SORCS3: variants seen among roughly 807,000 people sequenced by gnomAD.
The protein encoded by SORCS3 is sortilin related VPS10 domain containing receptor 3.
Under a neutral mutation model 146.3 loss-of-function variants are expected in SORCS3, and 57 were observed. The ratio of observed to expected loss-of-function variants is 0.39; its 90% CI spans 0.31 to 0.49. SORCS3 has a LOEUF of 0.49. Ranked by LOEUF, SORCS3 falls within the 20% of genes least tolerant of loss-of-function variation. The pLI is 0.92. For missense variants in SORCS3, 1,341 were observed against 1,575.5 expected (o/e 0.85, Z 2.52); for synonymous variants, 653 against 618.5 (o/e 1.06, Z -0.83).
At chr10:105,018,271 C>T (rs1411606544) in intron 4 of SORCS3, among the ~76,000 whole-genome samples, 1 of 152,216 alleles carries the variant, frequency 6.6e-6, no homozygotes, top group African/African-American at 2.4e-5. Flanking sequence ...CCTAGTCTCT[C>T]AGTAACTCTG....
chr10:104,889,298 T>TA (rs1564706618), intron 2 of SORCS3, among the ~76,000 whole-genome samples: 1 of 143,410 alleles, frequency 7.0e-6, no homozygotes, highest in African/African-American at 2.7e-5. Flanking sequence ...TTTTTTTTTT[T>TA]AAATCCGATC....
At chr10:104,654,775 A>G (rs2015605351) in intron 1 of SORCS3, among the ~76,000 whole-genome samples, 1 of 152,222 alleles carries the variant, frequency 6.6e-6, no homozygotes, top group African/African-American at 2.4e-5. Flanking sequence ...AAAAGGAGGT[A>G]CATAACATAA....
chr10:104,757,897 C>T (rs1283997888), intron 1 of SORCS3, among the ~76,000 whole-genome samples: 1 of 145,500 alleles, frequency 6.9e-6, no homozygotes, highest in Non-Finnish European at 1.5e-5. Context: ...CTGATAGTGG[C>T]TGTCTAAAGT....
At chr10:104,740,860 G>A (rs565945515) in intron 1 of SORCS3, among the ~76,000 whole-genome samples, 10 of 152,206 alleles carry the variant, frequency 6.6e-5, no homozygotes, top group African/African-American at 2.4e-4. Flanking sequence ...GCCTTATTAG[G>A]TTAACATAAA....
rs146908361 is a variant in SORCS3, at chr10:104,876,013, T to A, written c.695+33154T>A. 6.5e-4 allele frequency among the ~76,000 whole-genome samples: 99 copies of A among 152,286 alleles called. 1 individual carries two copies. Among genetic ancestry groups the A allele is most frequent in the African/African-American group, 2.3e-3 (96 of 41,572 alleles). On this transcript the variant is annotated intron_variant, in intron 2 of 26. Coordinates refer to ENST00000369701, the MANE Select transcript of SORCS3 (RefSeq NM_014978.3). ...ATCTGAGAGTTTCTGAACCATGTTTTTTTCCCCTAGTTACTATTACTCCAT... is the reference window on the plus strand; with the variant it reads ...ATCTGAGAGTTTCTGAACCATGTTTATTTCCCCTAGTTACTATTACTCCAT...
At chr10:104,841,770 G>A (rs1028403672) in intron 1 of SORCS3, among the ~76,000 whole-genome samples, 1 of 152,204 alleles carries the variant, frequency 6.6e-6, no homozygotes, top group Middle Eastern at 3.4e-3. Flanking sequence ...AAAATGAACT[G>A]GAGGAAGTTA....
chr10:104,899,561 C>T (rs184327659), intron 2 of SORCS3, among the ~76,000 whole-genome samples: 5 of 152,328 alleles, frequency 3.3e-5, no homozygotes, highest in Non-Finnish European at 7.3e-5. Context: ...TATGCTCTCA[C>T]ACCTTGGATG....
intron 1 of SORCS3, among the ~76,000 whole-genome samples, chr10:104,815,157 A>G (rs910362056): frequency 2.0e-5 from 3 of 152,190 alleles, no homozygotes; most frequent in Non-Finnish European, 2.9e-5. Context: ...TCACCACTGT[A>G]AAGAACAATG....
chr10:105,077,878 A>G (rs1051490970), intron 5 of SORCS3, among the ~76,000 whole-genome samples: 4 of 152,192 alleles, frequency 2.6e-5, no homozygotes, highest in African/African-American at 9.6e-5. Flanking sequence ...CTGCACCTAA[A>G]AATCTGTGAA....
intron 4 of SORCS3, among the ~76,000 whole-genome samples, 155 bp downstream of exon 4, chr10:104,977,648 CTT>C (rs1355037487): frequency 6.6e-6 from 1 of 151,856 alleles, no homozygotes; most frequent in Non-Finnish European, 1.5e-5. Flanking sequence ...CAGCAACTAA[CTT>C]TCCTTTCTGC....
chr10:104,911,240 G>A (rs1381916862), intron 2 of SORCS3, among the ~76,000 whole-genome samples: 1 of 152,224 alleles, frequency 6.6e-6, no homozygotes, highest in East Asian at 1.9e-4. Context: ...GGACAGAGTC[G>A]AGGGCACTGT....
intron 4 of SORCS3, among the ~76,000 whole-genome samples, chr10:105,030,366 G>A (rs1039178034): frequency 2.0e-5 from 3 of 152,108 alleles, no homozygotes; most frequent in African/African-American, 7.2e-5. Flanking sequence ...TCTCAGCTGG[G>A]ATGTCTGGAT....
chr10:104,642,022 G>GGGGGTGCCCCCCC, intron 1 of SORCS3, 68 bp downstream of exon 1: 1 of 173,336 alleles, frequency 5.8e-6, no homozygotes, highest in Non-Finnish European at 1.1e-5. Context: ...GGGTGGGTGG[G>GGGGGTGCCCCCCC]AGCGAGGGAC....
At chr10:104,664,624 G>A (rs769955844) in intron 1 of SORCS3, 1 of 152,128 alleles carries the variant, frequency 6.6e-6, no homozygotes, top group Non-Finnish European at 1.5e-5. Context: ...TTAAAATTTT[G>A]ACTTTATTTT....
intron 1 of SORCS3, among the ~76,000 whole-genome samples, chr10:104,831,762 C>A (rs1476646139): frequency 6.6e-6 from 1 of 152,152 alleles, no homozygotes; most frequent in African/African-American, 2.4e-5. Flanking sequence ...TAGGTTCAAG[C>A]CTGCTGGGGA....
intron 4 of SORCS3, among the ~76,000 whole-genome samples, chr10:105,028,299 T>C (rs1472677170): frequency 6.6e-6 from 1 of 152,208 alleles, no homozygotes; most frequent in Admixed American, 6.5e-5. Flanking sequence ...ACTCAATTAC[T>C]GAATGATTAA....
At chr10:104,838,161 C>G (rs10786823) in intron 1 of SORCS3, among the ~76,000 whole-genome samples, 69,929 of 151,992 alleles carry the variant, frequency 0.46, 18,034 homozygotes, top group East Asian at 0.72. Flanking sequence ...GTCCCATTCT[C>G]ATTCTGGGGC....
intron 22 of SORCS3, among the ~76,000 whole-genome samples, chr10:105,249,672 G>C (rs1023398244): frequency 3.3e-5 from 5 of 152,092 alleles, no homozygotes; most frequent in African/African-American, 1.2e-4. Context: ...CCTGAGCTCA[G>C]GAGTTTGAGA....
intron 3 of SORCS3, among the ~76,000 whole-genome samples, chr10:104,972,862 A>G (rs1248454342): frequency 6.6e-6 from 1 of 152,172 alleles, no homozygotes; most frequent in South Asian, 2.1e-4. Context: ...ATTTTGAGAT[A>G]TGTCCCATCA....
Sources: allele counts gnomAD v4.1 joint callset (sites outside exome capture counted in the v4.1 genomes callset), GRCh38; gene constraint gnomAD v4.1.1; transcripts MANE v1.5; gene names NCBI Gene and HGNC (gene_info 2026-07-23, HGNC 2026-07-21).